CTNNA2: variants seen among roughly 807,000 people sequenced by gnomAD.
CTNNA2 encodes catenin alpha 2, also known as catenin alpha-2.
Under a neutral mutation model 101.0 loss-of-function variants are expected in CTNNA2, and 42 were observed. The observed-to-expected ratio is 0.42, with a 90% CI of 0.32 to 0.54. The LOEUF (loss-of-function observed/expected upper bound fraction) is 0.54. Ranked by LOEUF, CTNNA2 falls within the 20% of genes least tolerant of loss-of-function variation. The pLI, the probability that CTNNA2 is intolerant of heterozygous loss-of-function variation, is 0.14. For synonymous variants in CTNNA2, 450 were observed against 456.4 expected (o/e 0.99, Z 0.18); for missense variants, 871 against 1,223.1 (o/e 0.71, Z 4.29).
intron 2 of CTNNA2, among the ~76,000 whole-genome samples, chr2:79,273,857 C>T (rs12614826): frequency 0.016 from 2,402 of 151,756 alleles, 46 homozygotes; most frequent in East Asian, 0.061. Flanking sequence ...AAGGGCTGAC[C>T]GCCCCAGATC....
intron 9 of CTNNA2, among the ~76,000 whole-genome samples, chr2:80,485,615 T>G (rs1407701347): frequency 2.0e-5 from 3 of 152,218 alleles, no homozygotes; most frequent in Non-Finnish European, 1.5e-5. Context: ...AGAACAAGAA[T>G]GGAAGCAAGG....
intron 1 of CTNNA2, among the ~76,000 whole-genome samples, chr2:79,584,304 A>C (rs180761067): frequency 6.6e-6 from 1 of 152,270 alleles, no homozygotes; most frequent in South Asian, 2.1e-4. Flanking sequence ...TAGAATTGCT[A>C]ATTTCTGGAG....
chr2:79,809,901 T>C (rs1271723534), intron 3 of CTNNA2, among the ~76,000 whole-genome samples: 1 of 152,038 alleles, frequency 6.6e-6, no homozygotes, highest in Non-Finnish European at 1.5e-5. Flanking sequence ...TTTCTTCTTG[T>C]GTTTTTAGAG....
At chr2:80,393,382 A>G (rs547418789) in intron 8 of CTNNA2, 91 bp downstream of exon 8, 5 of 895,346 alleles carry the variant, frequency 5.6e-6, no homozygotes, top group East Asian at 5.1e-5. Flanking sequence ...GGAGATGACA[A>G]TGAGGTTGTT....
intron 6 of CTNNA2, among the ~76,000 whole-genome samples, chr2:79,885,058 C>T (rs1041116130): frequency 6.6e-6 from 1 of 152,012 alleles, no homozygotes; most frequent in South Asian, 2.1e-4. Flanking sequence ...GAAGTTCAGC[C>T]GTAGTAGTTC....
At chr2:79,477,048 C>T (rs1671057414) in intron 4 of CTNNA2, among the ~76,000 whole-genome samples, 1 of 152,130 alleles carries the variant, frequency 6.6e-6, no homozygotes, top group Non-Finnish European at 1.5e-5. Context: ...TTTTACAGAC[C>T]TATGTCCTCT....
intron 1 of CTNNA2, among the ~76,000 whole-genome samples, chr2:79,641,396 A>C (rs915900606): frequency 6.6e-6 from 1 of 152,214 alleles, no homozygotes; most frequent in African/African-American, 2.4e-5. Flanking sequence ...TTGCCAAAGA[A>C]GCTATGTTCC....
rs180861370 is a variant in CTNNA2, at chr2:79,848,038, A to G, written c.299-9975A>G. On this transcript the variant is annotated intron_variant, in intron 3 of 18. Transcript: ENST00000402739. ...TGTAGGAGAATACAGGTACTGATCA[A>G]TAGAAACATTTATTGACTTAAGAAT... Among the ~76,000 whole-genome samples the G allele has an allele frequency of 5.7e-4, 87 of 152,336 alleles. No individual in the cohort carries two copies. In the East Asian group the frequency reaches 0.016, roughly 28 times the overall value.
At chr2:79,425,758 A>T (rs1240297950) in intron 4 of CTNNA2, among the ~76,000 whole-genome samples, 2 of 152,160 alleles carry the variant, frequency 1.3e-5, no homozygotes, top group East Asian at 3.9e-4. Flanking sequence ...GCGTAATTAT[A>T]TTCTTTATGA....
chr2:80,407,336 C>A (rs893421144), intron 8 of CTNNA2, among the ~76,000 whole-genome samples: 1 of 152,156 alleles, frequency 6.6e-6, no homozygotes, highest in South Asian at 2.1e-4. Flanking sequence ...GTAAATGGAG[C>A]TTGAAATAGC....
At chr2:79,631,284 CTCTGCCA>C (rs1178470819) in intron 1 of CTNNA2, among the ~76,000 whole-genome samples, 3 of 152,148 alleles carry the variant, frequency 2.0e-5, no homozygotes, top group African/African-American at 7.2e-5. Context: ...TATGTAATCT[CTCTGCCA>C]GAGATTTGCT....
chr2:79,559,772 A>G (rs2104118086), intron 1 of CTNNA2, among the ~76,000 whole-genome samples: 1 of 152,006 alleles, frequency 6.6e-6, no homozygotes, highest in East Asian at 1.9e-4. Flanking sequence ...AAAGACTTCA[A>G]AGTTAATTAT....
At position 80,411,262 on chromosome 2, in the gene CTNNA2, A is replaced by G. The variant is rs192444344; in HGVS notation, c.1138-8187A>G. Among the ~76,000 whole-genome samples, 95 of 152,330 alleles carry G rather than the reference A, an allele frequency of 6.2e-4. No individual in the cohort carries two copies. In the South Asian group the frequency reaches 0.012, roughly 19 times the overall value. On this transcript the variant is annotated intron_variant, in intron 8 of 18. Transcript: ENST00000402739. ...TCAAATAGATTGTTGAAGTAGGCCT[A>G]TCTTAGACCACAAGTTCTCCTTTTT...
chr2:79,416,741 T>C (rs979251832), intron 4 of CTNNA2, among the ~76,000 whole-genome samples: 7 of 152,040 alleles, frequency 4.6e-5, no homozygotes, highest in Non-Finnish European at 8.8e-5. Context: ...GAATAAGACA[T>C]GGAGAGAAAG....
At chr2:80,527,151 A>G (rs1364445924) in intron 9 of CTNNA2, among the ~76,000 whole-genome samples, 1 of 152,268 alleles carries the variant, frequency 6.6e-6, no homozygotes, top group African/African-American at 2.4e-5. Flanking sequence ...GGACTTTCTA[A>G]TTAAAAGTGT....
At chr2:80,034,354 CTTTTT>C (rs1199616310) in intron 7 of CTNNA2, among the ~76,000 whole-genome samples, 2 of 54,080 alleles carry the variant, frequency 3.7e-5, no homozygotes, top group East Asian at 1.1e-3. Flanking sequence ...ATTTTTTTTT[CTTTTT>C]TTTTTTTTTT....
chr2:80,581,862 T>G, intron 14 of CTNNA2, 43 bp downstream of exon 14: 1 of 1,156,712 alleles, frequency 8.6e-7, no homozygotes, highest in South Asian at 1.2e-5. Flanking sequence ...ACAGGGACCG[T>G]GTTTACTAAA....
intron 3 of CTNNA2, among the ~76,000 whole-genome samples, chr2:79,819,930 TTAAAAA>T (rs1026686020): frequency 4.6e-5 from 7 of 151,868 alleles, no homozygotes; most frequent in South Asian, 2.1e-4. Flanking sequence ...TTCATAATAA[TTAAAAA>T]TAAAAATAAA....
intron 6 of CTNNA2, among the ~76,000 whole-genome samples, chr2:79,903,331 G>C (rs139238295): frequency 3.9e-5 from 6 of 152,010 alleles, no homozygotes; most frequent in African/African-American, 1.2e-4. Context: ...GCTTGATGCT[G>C]TCCTGCCTTC....
Sources: allele counts gnomAD v4.1 joint callset (sites outside exome capture counted in the v4.1 genomes callset), GRCh38; gene constraint gnomAD v4.1.1; transcripts MANE v1.5; gene names NCBI Gene and HGNC (gene_info 2026-07-23, HGNC 2026-07-21).